The following CNTNAP2 variants were observed in gnomAD, a reference collection of about 807,000 sequenced individuals.
CNTNAP2 encodes the protein contactin associated protein 2, also known as contactin-associated protein-like 2.
CNTNAP2 carries 98 observed loss-of-function variants against 155.2 expected under a neutral mutation model. The observed-to-expected ratio is 0.63, with a 90% confidence interval of 0.54 to 0.75. The LOEUF (loss-of-function observed/expected upper bound fraction) is 0.75, where lower values mean the gene tolerates loss of function less well. Among genes scored for constraint, CNTNAP2 ranks in the 30% least tolerant of loss-of-function variants. The probability of loss-of-function intolerance (pLI) is 0.00; values close to 1 mark genes in which losing one functional copy is unlikely to be tolerated. For synonymous variants in CNTNAP2, 651 were observed against 631.2 expected (o/e 1.03, Z -0.47); for missense variants, 1,727 against 1,688.1 (o/e 1.02, Z -0.40).
chr7:146,477,854 G>T (rs1254494568), intron 1 of CNTNAP2, among the ~76,000 whole-genome samples: 1 of 152,016 alleles, frequency 6.6e-6, no homozygotes, highest in Non-Finnish European at 1.5e-5. Context: ...TGAGATAAGG[G>T]TCAGAAAGTG....
chr7:147,052,656 C>T (rs1799493423), intron 4 of CNTNAP2, among the ~76,000 whole-genome samples: 1 of 151,716 alleles, frequency 6.6e-6, no homozygotes, highest in Non-Finnish European at 1.5e-5. Context: ...TATTTTAAAT[C>T]ACACTTTTTT....
intron 8 of CNTNAP2, among the ~76,000 whole-genome samples, chr7:147,284,908 A>C (rs142072685): frequency 6.6e-6 from 1 of 151,970 alleles, no homozygotes; most frequent in African/African-American, 2.4e-5. Flanking sequence ...AACATACAGA[A>C]GCTGCTAGGA....
At chr7:148,399,694 C>G (rs1229818036) in intron 22 of CNTNAP2, among the ~76,000 whole-genome samples, 1 of 152,120 alleles carries the variant, frequency 6.6e-6, no homozygotes, top group Non-Finnish European at 1.5e-5. Context: ...CTGAAATTAA[C>G]ACAGTGTTCC....
chr7:147,395,608 G>A lies in CNTNAP2; in HGVS notation c.1499-1G>A. 1 of 1,611,528 alleles carries A rather than the reference G, an allele frequency of 6.2e-7. No homozygotes were observed. Among genetic ancestry groups the A allele is most frequent in the South Asian group, 1.1e-5 (1 of 90,974 alleles). ...ACATTCCCATTTCTTCTGTTTCACA[G>A]GTTTTCTGAACCAGATGAATAACTC... On this transcript the variant is annotated splice_acceptor_variant, in intron 9 of 23. Coordinates refer to ENST00000361727, the MANE Select transcript of CNTNAP2 (RefSeq NM_014141.6). LOFTEE classifies it high-confidence loss of function.
intron 12 of CNTNAP2, among the ~76,000 whole-genome samples, chr7:147,565,744 G>A (rs888702367): frequency 1.3e-5 from 2 of 152,104 alleles, no homozygotes; most frequent in African/African-American, 4.8e-5. Flanking sequence ...TTTAGGAGAA[G>A]TGGACAATTA....
At chr7:146,456,931 C>T (rs546492584) in intron 1 of CNTNAP2, among the ~76,000 whole-genome samples, 2 of 152,214 alleles carry the variant, frequency 1.3e-5, no homozygotes, top group African/African-American at 2.4e-5. Flanking sequence ...ATCTAATCCA[C>T]AAAGTATAAA....
At chr7:146,950,220 T>C (rs1239929460) in intron 3 of CNTNAP2, among the ~76,000 whole-genome samples, 1 of 152,164 alleles carries the variant, frequency 6.6e-6, no homozygotes, top group Admixed American at 6.6e-5. Context: ...TTTAAAGATG[T>C]TTATAAAAAT....
At chr7:147,374,014 A>C (rs1796393651) in intron 9 of CNTNAP2, among the ~76,000 whole-genome samples, 1 of 152,038 alleles carries the variant, frequency 6.6e-6, no homozygotes, top group Non-Finnish European at 1.5e-5. Context: ...TCTTCCTAAC[A>C]GATGATGGGA....
chr7:146,278,339 CTG>C (rs978775169), intron 1 of CNTNAP2, among the ~76,000 whole-genome samples: 2 of 152,134 alleles, frequency 1.3e-5, no homozygotes, highest in Non-Finnish European at 2.9e-5. Context: ...ACAAAGGTCT[CTG>C]TTCTTTTTTT....
At chr7:146,553,667 A>T (rs954592941) in intron 1 of CNTNAP2, among the ~76,000 whole-genome samples, 1 of 152,196 alleles carries the variant, frequency 6.6e-6, no homozygotes, top group African/African-American at 2.4e-5. Context: ...AAATTAATCC[A>T]ATGTAGGATA....
chr7:148,080,474 C>T (rs933123234), intron 15 of CNTNAP2, among the ~76,000 whole-genome samples: 17 of 151,524 alleles, frequency 1.1e-4, no homozygotes, highest in Middle Eastern at 3.4e-3. Context: ...GGCGTGGTGG[C>T]GGCGCCTGTA....
intron 10 of CNTNAP2, among the ~76,000 whole-genome samples, chr7:147,427,993 T>TA (rs1001497239): frequency 2.6e-5 from 4 of 152,120 alleles, no homozygotes; most frequent in South Asian, 2.1e-4. Flanking sequence ...TCAGTTAAAT[T>TA]AAAAAAATAG....
At chr7:148,139,857 G>A (rs904433019) in intron 16 of CNTNAP2, among the ~76,000 whole-genome samples, 1 of 152,132 alleles carries the variant, frequency 6.6e-6, no homozygotes, top group Non-Finnish European at 1.5e-5. Flanking sequence ...ATACTTCTAA[G>A]CTGATGTGAT....
intron 1 of CNTNAP2, among the ~76,000 whole-genome samples, chr7:146,572,685 G>A (rs1024660338): frequency 5.9e-5 from 9 of 152,084 alleles, no homozygotes; most frequent in African/African-American, 2.2e-4. Context: ...AACTATAATG[G>A]CACTATGTTA....
At chr7:147,003,332 C>T (rs1798462515) in intron 3 of CNTNAP2, among the ~76,000 whole-genome samples, 1 of 150,744 alleles carries the variant, frequency 6.6e-6, no homozygotes, top group African/African-American at 2.5e-5. Context: ...AATAGGCAAA[C>T]CAACCCCCCC....
intron 1 of CNTNAP2, among the ~76,000 whole-genome samples, chr7:146,250,622 A>G (rs757240374): frequency 3.9e-5 from 6 of 152,126 alleles, no homozygotes; most frequent in Non-Finnish European, 7.3e-5. Context: ...TGGCATCACT[A>G]TGCTCACTGC....
intron 2 of CNTNAP2, among the ~76,000 whole-genome samples, chr7:146,807,450 C>T (rs1438010589): frequency 6.6e-6 from 1 of 151,978 alleles, no homozygotes; most frequent in East Asian, 1.9e-4. Context: ...AGTCTTTGCC[C>T]ACTTTTGGGG....
At chr7:148,017,434 A>C (rs1802199791) in intron 15 of CNTNAP2, among the ~76,000 whole-genome samples, 1 of 152,256 alleles carries the variant, frequency 6.6e-6, no homozygotes, top group Admixed American at 6.5e-5. Flanking sequence ...TCTAGCATAC[A>C]AAAAGGCTGC....
In CNTNAP2 at chr7:147,171,276, T is replaced by C. The variant is rs1161574773; in HGVS notation, c.1348+38767T>C. Among the ~76,000 whole-genome samples the C allele has an allele frequency of 2.0e-5, 3 of 152,334 alleles. No individual in the cohort carries two copies. In the East Asian group the frequency reaches 5.8e-4, roughly 29 times the overall value. ...TCTTGCTTCAGCCTTAGCATCTGCG[T>C]GTTTTCTTCATCCACATTCGGTATT... On this transcript the variant is annotated intron_variant, in intron 8 of 23. Coordinates refer to ENST00000361727, the MANE Select transcript of CNTNAP2 (RefSeq NM_014141.6).
Sources: gnomAD v4.1 joint callset for allele counts (sites outside exome capture counted in the v4.1 genomes callset) on GRCh38, gnomAD v4.1.1 for gene constraint, MANE v1.5 for transcripts, NCBI Gene and HGNC (gene_info 2026-07-23, HGNC 2026-07-21) for gene names.